Variants in KHDRBS2 observed in about 807,000 individuals in gnomAD.
The protein encoded by KHDRBS2 is KH RNA binding domain containing, signal transduction associated 2, also known as KH domain-containing, RNA-binding, signal transduction-associated protein 2.
Under a neutral mutation model 44.3 loss-of-function variants are expected in KHDRBS2, and 26 were observed. The observed-to-expected ratio is 0.59, with a 90% CI of 0.43 to 0.81. The LOEUF is 0.81. KHDRBS2 is among the 40% of genes least tolerant of loss of function. The probability of loss-of-function intolerance (pLI) is 0.00; values close to 1 mark genes in which losing one functional copy is unlikely to be tolerated. For missense variants in KHDRBS2, 476 were observed against 433.1 expected (o/e 1.10, Z -0.88); for synonymous variants, 194 against 151.1 (o/e 1.28, Z -2.08).
At chr6:61,785,176 AAC>A (rs1491085420) in intron 6 of KHDRBS2, among the ~76,000 whole-genome samples, 24 of 151,394 alleles carry the variant, frequency 1.6e-4, no homozygotes, top group African/African-American at 4.1e-4. Context: ...AAACAACAAC[AAC>A]AAAAAAAAAC....
chr6:61,705,934 A>C (rs531269783), intron 7 of KHDRBS2, among the ~76,000 whole-genome samples: 93 of 151,958 alleles, frequency 6.1e-4, no homozygotes, highest in African/African-American at 2.2e-3. Context: ...TTATTTGCTT[A>C]TCTGTCTTCC....
chr6:61,973,643 A>T (rs1282853336), intron 4 of KHDRBS2, among the ~76,000 whole-genome samples: 2 of 152,206 alleles, frequency 1.3e-5, no homozygotes, highest in African/African-American at 4.8e-5. Flanking sequence ...AAATTGACTT[A>T]AAATCTTATA....
intron 4 of KHDRBS2, among the ~76,000 whole-genome samples, chr6:61,945,150 T>TATATATATATACACACAC (rs371595813): frequency 2.8e-4 from 24 of 86,992 alleles, no homozygotes; most frequent in African/African-American, 9.4e-4. Flanking sequence ...TATATATATA[T>TATATATATATACACACAC]ACACACAGAC....
At chr6:61,881,377 C>CT (rs1031240729) in intron 6 of KHDRBS2, among the ~76,000 whole-genome samples, 3 of 151,820 alleles carry the variant, frequency 2.0e-5, no homozygotes, top group African/African-American at 7.3e-5. Flanking sequence ...TTGAAAAGAC[C>CT]TTTTTTTAAT....
chr6:61,736,644 G>A lies in KHDRBS2; in HGVS notation c.811-3880C>T, dbSNP rs111521821. On this transcript the variant is annotated intron_variant, in intron 6 of 8. Transcript: ENST00000281156. ...TGTGTTTCTGTTTCTGAGCAGGGAG[G>A]TACAAGAACCAGGGATGGGAGTAGG... Among the ~76,000 whole-genome samples, 85 of 152,064 alleles carry A rather than the reference G, an allele frequency of 5.6e-4. 1 individual carries two copies. The highest frequency in any genetic ancestry group is 1.9e-3 in the African/African-American group (79 of 41,492).
chr6:61,732,185 T>A (rs1473119629), intron 7 of KHDRBS2, among the ~76,000 whole-genome samples: 1 of 152,038 alleles, frequency 6.6e-6, no homozygotes, highest in African/African-American at 2.4e-5. Context: ...ATATCACAAA[T>A]TTTGGGTCAA....
Position 62,142,309 on chromosome 6 carries a change from GTGTTTTGA to G in KHDRBS2, c.219+34868_219+34875del, listed in dbSNP as rs1584930194. ...ATTGTCTTGTTTTAGGTCTCTGTTT[GTGTTTTGA>G]TGGGTAGAAATGTGTCTTGTAGCCT... On this transcript the variant is annotated intron_variant, in intron 2 of 8. Coordinates refer to ENST00000281156, the MANE Select transcript of KHDRBS2 (RefSeq NM_152688.4). Among the ~76,000 whole-genome samples, 15 of 152,038 alleles carry G rather than the reference GTGTTTTGA, an allele frequency of 9.9e-5. 1 individual carries two copies. In the South Asian group the frequency reaches 2.9e-3, roughly 29 times the overall value.
intron 4 of KHDRBS2, among the ~76,000 whole-genome samples, chr6:61,946,021 AAG>A (rs963480586): frequency 6.6e-6 from 1 of 152,190 alleles, no homozygotes; most frequent in African/African-American, 2.4e-5. Flanking sequence ...AAGAGATTGA[AAG>A]AGAGAGAGTA....
Position 61,699,411 on chromosome 6 carries a change from GC to G in KHDRBS2, c.894-2159del, listed in dbSNP as rs201130678. 5.4e-3 allele frequency among the ~76,000 whole-genome samples: 823 copies of G among 151,934 alleles called. 8 individuals are homozygous for G. The highest frequency in any genetic ancestry group is 4.9e-3 in the Non-Finnish European group (336 of 67,968). On this transcript the variant is annotated intron_variant, in intron 7 of 8. Transcript: ENST00000281156. ...GGTTTAAAGTTAGATGTCAAGCATT[GC>G]CCCCCTATATAATTCTTAATTTATA...
chr6:61,935,361 G>A (rs1167233933), intron 4 of KHDRBS2, among the ~76,000 whole-genome samples: 1 of 152,174 alleles, frequency 6.6e-6, no homozygotes, highest in Non-Finnish European at 1.5e-5. Flanking sequence ...CAGGACAAGA[G>A]AAAGAGAAAT....
At chr6:61,637,140 G>A in the KHDRBS2 span, among the ~76,000 whole-genome samples, 14 of 151,840 alleles carry the variant, frequency 9.2e-5, no homozygotes, top group East Asian at 1.7e-3. Flanking sequence ...CCACTAACTC[G>A]TCATCTAGCA....
chr6:62,167,413 C>T (rs1274327914), intron 2 of KHDRBS2, among the ~76,000 whole-genome samples: 1 of 151,818 alleles, frequency 6.6e-6, no homozygotes, highest in Middle Eastern at 3.2e-3. Flanking sequence ...ATGGGTTGGG[C>T]ATTAATTAAA....
intron 5 of KHDRBS2, among the ~76,000 whole-genome samples, chr6:61,899,733 G>GCCCCC (rs34822365): frequency 3.2e-5 from 4 of 123,228 alleles, no homozygotes; most frequent in South Asian, 2.7e-4. Context: ...TTGTTTTAAT[G>GCCCCC]CCCCCCCCCC....
At chr6:62,206,919 T>C (rs144591801) in intron 1 of KHDRBS2, among the ~76,000 whole-genome samples, 2 of 152,182 alleles carry the variant, frequency 1.3e-5, no homozygotes, top group African/African-American at 4.8e-5. Flanking sequence ...AATCCTAAGA[T>C]TCATTCCCAA....
At chr6:61,769,653 G>A (rs1292259969) in intron 6 of KHDRBS2, among the ~76,000 whole-genome samples, 4 of 152,192 alleles carry the variant, frequency 2.6e-5, no homozygotes, top group African/African-American at 9.6e-5. Flanking sequence ...CCATTGCCGA[G>A]TTACTTGTTT....
chr6:61,790,083 A>G (rs1335659453), intron 6 of KHDRBS2, among the ~76,000 whole-genome samples: 2 of 151,486 alleles, frequency 1.3e-5, no homozygotes, highest in Non-Finnish European at 1.5e-5. Flanking sequence ...AATCAAAGAC[A>G]TTTTATATCC....
At chr6:61,854,223 C>T (rs1219665895) in intron 6 of KHDRBS2, among the ~76,000 whole-genome samples, 1 of 151,932 alleles carries the variant, frequency 6.6e-6, no homozygotes, top group Non-Finnish European at 1.5e-5. Flanking sequence ...TTTTCTGTCT[C>T]TTTGTTTTAA....
chr6:61,545,680 G>A, the KHDRBS2 span, among the ~76,000 whole-genome samples: 1 of 152,024 alleles, frequency 6.6e-6, no homozygotes, highest in Non-Finnish European at 1.5e-5. Flanking sequence ...CTGAATGTTT[G>A]CATCTGTGTC....
In KHDRBS2 at chr6:62,219,794, A is replaced by G. The variant is rs184683335; in HGVS notation, c.92-42482T>C. Among the ~76,000 whole-genome samples the G allele has an allele frequency of 6.4e-4, 95 of 148,102 alleles. 1 individual carries two copies. Among genetic ancestry groups the G allele is most frequent in the African/African-American group, 2.2e-3 (90 of 40,904 alleles). ...AAGTTTTATATATATATTTTTATTTACTATATGATATATAGTTACTATATA... is the reference window on the plus strand; with the variant it reads ...AAGTTTTATATATATATTTTTATTTGCTATATGATATATAGTTACTATATA... On this transcript the variant is annotated intron_variant, in intron 1 of 8. Transcript: ENST00000281156.
Sources: gnomAD v4.1 joint callset for allele counts (sites outside exome capture counted in the v4.1 genomes callset) on GRCh38, gnomAD v4.1.1 for gene constraint, MANE v1.5 for transcripts, NCBI Gene and HGNC (gene_info 2026-07-23, HGNC 2026-07-21) for gene names.